Variants in RSF1 observed in about 807,000 individuals in gnomAD.
RSF1 encodes remodeling and spacing factor 1, also known as HBV pX-associated protein 8.
In RSF1, 13 loss-of-function variants were observed where a neutral mutation model predicts 145.2. The ratio of observed to expected loss-of-function variants is 0.09; its 90% confidence interval spans 0.06 to 0.14. The LOEUF is 0.14. Ranked by LOEUF, RSF1 falls within the 10% of genes least tolerant of loss-of-function variation. The probability of loss-of-function intolerance (pLI) is 1.00; values close to 1 mark genes in which losing one functional copy is unlikely to be tolerated. For missense variants in RSF1, 1,517 were observed against 1,718.2 expected, an observed-to-expected ratio of 0.88 and a Z score of 2.07; for synonymous variants, 577 against 592.6, an observed-to-expected ratio of 0.97 and a Z score of 0.38.
rs538546105 is a variant in RSF1, at chr11:77,712,806, T to A, written c.734-10311A>T. 3.3e-5 allele frequency among the ~76,000 whole-genome samples: 5 copies of A among 152,362 alleles called. No homozygotes were observed. The South Asian group carries it at 1.0e-3, about 32-fold the overall frequency. On this transcript the variant is annotated intron_variant, in intron 5 of 15. Coordinates refer to ENST00000308488, the MANE Select transcript of RSF1 (RefSeq NM_016578.4). Reference sequence around the variant, plus strand: ...ATAAGTCTGAACTCATAGATATTATTCTATGGATTAAAATCTATCTTTATA... The same window carrying A: ...ATAAGTCTGAACTCATAGATATTATACTATGGATTAAAATCTATCTTTATA...
chr11:77,742,282 T>C (rs1161165385), intron 3 of RSF1, among the ~76,000 whole-genome samples: 1 of 152,096 alleles, frequency 6.6e-6, no homozygotes, highest in African/African-American at 2.4e-5. Flanking sequence ...AGGGTTCCCT[T>C]TTCTTTTTTC....
chr11:77,748,821 CAAGA>C (rs1948030405), intron 2 of RSF1, among the ~76,000 whole-genome samples: 3 of 152,108 alleles, frequency 2.0e-5, no homozygotes, highest in Admixed American at 2.0e-4. Flanking sequence ...AGTATTTACA[CAAGA>C]AAGAGGAAAA....
intron 4 of RSF1, among the ~76,000 whole-genome samples, chr11:77,729,923 A>AAAAAAAAAAAAG (rs1961160111): frequency 6.9e-6 from 1 of 144,792 alleles, no homozygotes; most frequent in Non-Finnish European, 1.5e-5. Flanking sequence ...AAAAAAAAAA[A>AAAAAAAAAAAAG]TTGTGGAGGC....
chr11:77,826,016 T>C, the RSF1 span, among the ~76,000 whole-genome samples: 2 of 152,168 alleles, frequency 1.3e-5, no homozygotes, highest in East Asian at 1.9e-4. Flanking sequence ...GACTTATGCA[T>C]GAGTCTATTC....
rs187709226 is a variant in RSF1 at position 77,720,782 on chromosome 11, G to C, written c.733+4763C>G. On this transcript the variant is annotated intron_variant, in intron 5 of 15. Coordinates refer to ENST00000308488, the MANE Select transcript of RSF1 (RefSeq NM_016578.4). Reference sequence around the variant, plus strand: ...ATGGAGAAAACAAAAGCATCTAGATGATCTGGAACCAGTACTCATGTAAGA... The same window carrying C: ...ATGGAGAAAACAAAAGCATCTAGATCATCTGGAACCAGTACTCATGTAAGA... Among the ~76,000 whole-genome samples, 11 of 152,292 alleles carry C rather than the reference G, an allele frequency of 7.2e-5. No individual in the cohort carries two copies. The East Asian group carries it at 2.1e-3, about 29-fold the overall frequency.
chr11:77,852,894 T>G, the RSF1 span, among the ~76,000 whole-genome samples: 1 of 152,214 alleles, frequency 6.6e-6, no homozygotes, highest in Non-Finnish European at 1.5e-5. Context: ...TACCACTGTA[T>G]AGTAACCAAC....
intron 1 of RSF1, 70 bp downstream of exon 1, chr11:77,820,458 G>A (rs1948855332): frequency 6.9e-7 from 1 of 1,455,876 alleles, no homozygotes; most frequent in Non-Finnish European, 9.2e-7. Flanking sequence ...GAACCGGGGC[G>A]CCTGTGAAGA....
the RSF1 span, among the ~76,000 whole-genome samples, chr11:77,858,302 C>CTTTTTTTTTTTTTTTTTTTTT: frequency 5.8e-5 from 4 of 69,358 alleles, 1 homozygote; most frequent in African/African-American, 1.8e-4. Context: ...TTAAGCAATT[C>CTTTTTTTTTTTTTTTTTTTTT]TTTTTTTTTT....
intron 5 of RSF1, among the ~76,000 whole-genome samples, chr11:77,716,998 T>A (rs915314144): frequency 1.3e-5 from 2 of 151,564 alleles, no homozygotes; most frequent in African/African-American, 2.4e-5. Flanking sequence ...GGCAACACAG[T>A]GAAACCCTAT....
In RSF1 at chr11:77,675,077, T is replaced by C. The variant is rs1274898570; in HGVS notation, c.3521A>G (p.Asp1174Gly). The change falls in exon 14 of 16, where the codon GAT (aspartate) becomes GGT (glycine). Residue 1174 changes from aspartate (D) to glycine (G), a missense_variant. Physicochemically the swap from Asp to Gly is moderately conservative, Grantham distance 94. Coordinates refer to ENST00000308488, the MANE Select transcript of RSF1 (RefSeq NM_016578.4). ...CTCCTCAGATTCCTCCTCTTCATCA[T>C]CATCGGAATATTTTTTCTTTGGGGT... is the stretch of plus-strand genomic sequence containing the variant. ...RKTPKKKYSD[D>G]DEEEESEENS... is the part of the protein sequence containing the mutation. The C allele has an allele frequency of 6.2e-7, 1 of 1,613,936 alleles. No homozygotes were observed. Among genetic ancestry groups the C allele is most frequent in the South Asian group, 1.1e-5 (1 of 91,038 alleles).
the RSF1 span, among the ~76,000 whole-genome samples, chr11:77,837,010 C>T: frequency 1.3e-5 from 2 of 152,220 alleles, no homozygotes; most frequent in Non-Finnish European, 2.9e-5. Context: ...TTTGTCTTCT[C>T]TACTGTAGTA....
intron 4 of RSF1, among the ~76,000 whole-genome samples, chr11:77,736,423 A>G (rs1243527924): frequency 6.6e-6 from 1 of 152,230 alleles, no homozygotes; most frequent in African/African-American, 2.4e-5. Context: ...TCTGCCATTC[A>G]AACAGAAATA....
At chr11:77,778,629 A>G (rs1948372762) in intron 1 of RSF1, among the ~76,000 whole-genome samples, 1 of 152,170 alleles carries the variant, frequency 6.6e-6, no homozygotes, top group African/African-American at 2.4e-5. Context: ...CTATAGGCAC[A>G]CCACCACACT....
At chr11:77,827,145 T>C in the RSF1 span, among the ~76,000 whole-genome samples, 7 of 151,670 alleles carry the variant, frequency 4.6e-5, no homozygotes, top group Admixed American at 6.6e-5. Context: ...AATTTGCCCC[T>C]GGCCCCGCCC....
rs139026606 is a variant in RSF1, at chr11:77,665,078, A to G, written c.*1839T>C. The G allele has an allele frequency of 6.6e-6, 1 of 152,312 alleles. No homozygotes were observed. Among genetic ancestry groups the G allele is most frequent in the East Asian group, 1.9e-4 (1 of 5,192 alleles). 9.4% of individuals were successfully genotyped at this position (152,312 alleles called of 1,614,324 possible). On this transcript the variant is annotated 3_prime_UTR_variant, in exon 16 of 16. Coordinates refer to ENST00000308488, the MANE Select transcript of RSF1 (RefSeq NM_016578.4). The stretch of plus-strand genomic sequence containing the variant: ...GTGAAACAAAACAAAACAACGAACA[A>G]CTGAAAAACAATAGCTATAAACTTT...
chr11:77,693,440 GC>G (rs1960206337), intron 8 of RSF1, 66 bp downstream of exon 8: 1 of 931,982 alleles, frequency 1.1e-6, no homozygotes. Flanking sequence ...TCATTCAGTA[GC>G]TATTAAACAG....
rs10688175 is a variant in RSF1 at position 77,813,820 on chromosome 11, GACACACACACACACACAC to G, written c.187+6690_187+6707del. 1.4e-4 allele frequency: 24 copies of G among 169,242 alleles called. 2 individuals carry two copies. Among genetic ancestry groups the G allele is most frequent in the Admixed American group, 1.2e-3 (19 of 15,828 alleles). 10.5% of individuals were successfully genotyped at this position (169,242 alleles called of 1,614,324 possible). ...AGCGGCCATTTATAATTTGTAAAAGGACACACACACACACACACACACACACACACACACACAGAGATA... is the reference window on the plus strand; with the variant it reads ...AGCGGCCATTTATAATTTGTAAAAGGACACACACACACACACACAGAGATA... On this transcript the variant is annotated intron_variant, in intron 1 of 15. Coordinates refer to ENST00000308488, the MANE Select transcript of RSF1 (RefSeq NM_016578.4).
intron 14 of RSF1, among the ~76,000 whole-genome samples, chr11:77,672,838 A>G (rs768967378): frequency 6.6e-6 from 1 of 152,024 alleles, no homozygotes; most frequent in African/African-American, 2.4e-5. Flanking sequence ...ACCCGCCACC[A>G]CATCTGGCTA....
intron 4 of RSF1, among the ~76,000 whole-genome samples, chr11:77,735,819 AAC>A (rs1961336397): frequency 6.6e-6 from 1 of 152,134 alleles, no homozygotes; most frequent in East Asian, 1.9e-4. Flanking sequence ...GGCTCACTGC[AAC>A]CTCTGCCTAC....
Sources: gnomAD v4.1 joint callset for allele counts (sites outside exome capture counted in the v4.1 genomes callset) on GRCh38, gnomAD v4.1.1 for gene constraint, MANE v1.5 for transcripts, NCBI Gene and HGNC (gene_info 2026-07-23, HGNC 2026-07-21) for gene names.